The following MICU1 variants were observed in gnomAD, a reference collection of about 807,000 sequenced individuals.
The protein encoded by MICU1 is mitochondrial calcium uptake 1, also known as calcium uptake protein 1, mitochondrial.
Under a neutral mutation model 56.8 loss-of-function variants are expected in MICU1, and 45 were observed. That is an observed-to-expected ratio of 0.79 (90% confidence interval 0.62 to 1.02). MICU1 has a LOEUF of 1.02. Ranked by LOEUF, MICU1 falls within the 50% of genes least tolerant of loss-of-function variation. MICU1 has a pLI of 0.00. For synonymous variants in MICU1, 186 were observed against 195.1 expected, an observed-to-expected ratio of 0.95 and a Z score of 0.39; for missense variants, 504 against 587.1, an observed-to-expected ratio of 0.86 and a Z score of 1.46.
At chr10:72,501,764 A>T (rs1474032687) in intron 6 of MICU1, 1 of 152,196 alleles carries the variant, frequency 6.6e-6, no homozygotes, top group Non-Finnish European at 1.5e-5. Context: ...GAGAAGAGTA[A>T]GAAATTCATG....
chr10:72,495,464 C>T (rs1336176602), intron 6 of MICU1, among the ~76,000 whole-genome samples: 2 of 151,982 alleles, frequency 1.3e-5, no homozygotes, highest in African/African-American at 2.4e-5. Context: ...AAGACTAGCA[C>T]GGCCAACATG....
At chr10:72,505,218 A>T (rs184196171) in intron 6 of MICU1, among the ~76,000 whole-genome samples, 1 of 152,088 alleles carries the variant, frequency 6.6e-6, no homozygotes, top group East Asian at 1.9e-4. Flanking sequence ...ACCTCAAGTG[A>T]TCTGCCTGCC....
At chr10:72,463,317 C>G (rs979221615) in intron 8 of MICU1, among the ~76,000 whole-genome samples, 2 of 152,188 alleles carry the variant, frequency 1.3e-5, no homozygotes, top group Admixed American at 6.5e-5. Context: ...CCCACCTTGG[C>G]CTCCAAAAGT....
At position 72,551,356 on chromosome 10, in the gene MICU1, T is replaced by A; in HGVS notation, c.331-15A>T. On this transcript the variant is annotated splice_polypyrimidine_tract_variant and intron_variant, in intron 3 of 11. Coordinates refer to ENST00000361114, the MANE Select transcript of MICU1 (RefSeq NM_001195518.2). ...TATTCCATCACCTAAAGTTAGAAAT[T>A]TAGAAAGTGTTACTATATTAAGCAA... The A allele has an allele frequency of 3.8e-6, 6 of 1,589,200 alleles. No individual in the cohort carries two copies. Among genetic ancestry groups the A allele is most frequent in the Non-Finnish European group, 5.1e-6 (6 of 1,167,348 alleles).
At chr10:72,522,256 A>C (rs951239908) in intron 5 of MICU1, among the ~76,000 whole-genome samples, 6 of 152,140 alleles carry the variant, frequency 3.9e-5, no homozygotes, top group Non-Finnish European at 5.9e-5. Flanking sequence ...GGAACTGAAG[A>C]AAGTTCTCTG....
At chr10:72,593,140 C>T (rs1346428025) in intron 1 of MICU1, among the ~76,000 whole-genome samples, 2 of 152,044 alleles carry the variant, frequency 1.3e-5, no homozygotes, top group Non-Finnish European at 2.9e-5. Flanking sequence ...AGGAAACTAT[C>T]TCAAAATAAG....
chr10:72,469,802 G>T (rs748285023), intron 8 of MICU1, among the ~76,000 whole-genome samples: 3 of 152,168 alleles, frequency 2.0e-5, no homozygotes, highest in Non-Finnish European at 2.9e-5. Flanking sequence ...AGTTCAAGGG[G>T]TCAGCAGGGT....
chr10:72,419,610 T>C (rs957849958), intron 9 of MICU1, among the ~76,000 whole-genome samples: 1 of 152,228 alleles, frequency 6.6e-6, no homozygotes, highest in African/African-American at 2.4e-5. Flanking sequence ...GCAACATTTC[T>C]TGCACAAAGA....
intron 5 of MICU1, among the ~76,000 whole-genome samples, chr10:72,514,424 T>C (rs1202876614): frequency 6.6e-6 from 1 of 152,174 alleles, no homozygotes; most frequent in African/African-American, 2.4e-5. Flanking sequence ...ACATTTTGTA[T>C]ATTATAATGT....
intron 10 of MICU1, among the ~76,000 whole-genome samples, chr10:72,390,581 T>C (rs1310832502): frequency 6.6e-6 from 1 of 152,224 alleles, no homozygotes; most frequent in Admixed American, 6.5e-5. Flanking sequence ...TGCTAAATTA[T>C]GCCTAAAGAC....
intron 5 of MICU1, among the ~76,000 whole-genome samples, chr10:72,511,388 T>C (rs1159404000): frequency 6.6e-6 from 1 of 152,154 alleles, no homozygotes; most frequent in Admixed American, 6.5e-5. Flanking sequence ...TTGGAAAACA[T>C]AAAAATTCTT....
At chr10:72,553,029 G>A (rs1162610634) in intron 3 of MICU1, among the ~76,000 whole-genome samples, 8 of 152,184 alleles carry the variant, frequency 5.3e-5, no homozygotes, top group African/African-American at 1.9e-4. Context: ...ACATATGACA[G>A]GAATTTTTTC....
intron 10 of MICU1, among the ~76,000 whole-genome samples, chr10:72,376,463 G>A (rs879713098): frequency 4.0e-5 from 6 of 151,856 alleles, no homozygotes; most frequent in Admixed American, 2.0e-4. Context: ...AGGCAACATG[G>A]CGAAACCCTG....
intron 1 of MICU1, among the ~76,000 whole-genome samples, chr10:72,586,482 C>G (rs185998765): frequency 6.6e-6 from 1 of 152,134 alleles, no homozygotes; most frequent in African/African-American, 2.4e-5. Flanking sequence ...GAAACCCCAT[C>G]TCTACTAAAA....
intron 6 of MICU1, among the ~76,000 whole-genome samples, chr10:72,491,885 C>T (rs932771407): frequency 6.6e-6 from 1 of 151,836 alleles, no homozygotes; most frequent in African/African-American, 2.4e-5. Flanking sequence ...ACAAGATAGG[C>T]TTTGCAAACA....
chr10:72,457,708 G>T (rs1002211754), intron 8 of MICU1, among the ~76,000 whole-genome samples: 1 of 151,926 alleles, frequency 6.6e-6, no homozygotes, highest in African/African-American at 2.4e-5. Flanking sequence ...GGGAGAGAGA[G>T]AAAGAGTGGG....
intron 1 of MICU1, among the ~76,000 whole-genome samples, chr10:72,578,875 G>T (rs1415485957): frequency 1.3e-5 from 2 of 152,206 alleles, no homozygotes; most frequent in African/African-American, 4.8e-5. Flanking sequence ...AAAGTGCTGG[G>T]ATTACAGGTG....
At chr10:72,404,531 T>C (rs148174537) in intron 10 of MICU1, among the ~76,000 whole-genome samples, 3 of 151,344 alleles carry the variant, frequency 2.0e-5, no homozygotes, top group Non-Finnish European at 4.4e-5. Context: ...CTAGGTAGAC[T>C]GAGTAAGAAA....
intron 1 of MICU1, among the ~76,000 whole-genome samples, chr10:72,597,222 C>T (rs1191164855): frequency 6.6e-6 from 1 of 152,160 alleles, no homozygotes; most frequent in Non-Finnish European, 1.5e-5. Flanking sequence ...TTGAGGAATA[C>T]TCAATTACAC....
Sources: gnomAD v4.1 joint callset for allele counts (sites outside exome capture counted in the v4.1 genomes callset) on GRCh38, gnomAD v4.1.1 for gene constraint, MANE v1.5 for transcripts, NCBI Gene and HGNC (gene_info 2026-07-23, HGNC 2026-07-21) for gene names.